Variants in TBL1XR1 observed in about 807,000 individuals in gnomAD.
TBL1XR1 encodes TBL1X/Y related 1.
A neutral mutation model predicts 66.9 loss-of-function variants in TBL1XR1; 5 were observed. The observed-to-expected ratio is 0.07, with a 90% CI of 0.04 to 0.16. The LOEUF is 0.16. TBL1XR1 is among the 10% of genes least tolerant of loss of function. TBL1XR1 has a pLI of 1.00. For synonymous variants in TBL1XR1, 210 were observed against 206.0 expected, an observed-to-expected ratio of 1.02 and a Z score of -0.17; for missense variants, 238 against 623.2, an observed-to-expected ratio of 0.38 and a Z score of 6.58.
upstream of TBL1XR1, among the ~76,000 whole-genome samples, chr3:177,200,994 G>C (rs1737329048): frequency 6.6e-6 from 1 of 151,758 alleles, no homozygotes; most frequent in African/African-American, 2.4e-5. Context: ...GCGACAGAGT[G>C]AGACTCCGTC....
intron 1 of TBL1XR1, among the ~76,000 whole-genome samples, chr3:177,176,082 A>C (rs1734114560): frequency 6.6e-6 from 1 of 151,084 alleles, no homozygotes; most frequent in South Asian, 2.1e-4. Flanking sequence ...AAATTAATTA[A>C]AATAAACAAA....
intron 1 of TBL1XR1, among the ~76,000 whole-genome samples, chr3:177,142,798 T>C (rs895781948): frequency 2.0e-5 from 3 of 152,220 alleles, no homozygotes; most frequent in Admixed American, 2.0e-4. Context: ...TTCACATTTA[T>C]GAATTTGCCT....
chr3:177,140,554 A>C (rs1029837840), intron 1 of TBL1XR1, among the ~76,000 whole-genome samples: 2 of 152,214 alleles, frequency 1.3e-5, no homozygotes, highest in East Asian at 1.9e-4. Context: ...TACTTATATG[A>C]AAAAACTGAA....
At chr3:177,176,739 C>T (rs965163710) in intron 1 of TBL1XR1, among the ~76,000 whole-genome samples, 9 of 152,084 alleles carry the variant, frequency 5.9e-5, no homozygotes, top group African/African-American at 2.2e-4. Context: ...CACTTGAACA[C>T]GGGAGGCAGA....
intron 7 of TBL1XR1, among the ~76,000 whole-genome samples, chr3:177,049,454 C>G (rs1308370864): frequency 1.3e-5 from 2 of 152,152 alleles, no homozygotes; most frequent in African/African-American, 4.8e-5. Flanking sequence ...GAATCATACA[C>G]AGAATCAGAG....
In TBL1XR1 at chr3:177,065,002, G is replaced by A; in HGVS notation, c.-25C>T. On this transcript the variant is annotated 5_prime_UTR_variant, in exon 3 of 16. Transcript: ENST00000457928. Reference sequence around the variant, plus strand: ...TCTTTATTCCCACTTAAACCATGAGGTCACAACACAGGATATAACCCTAAA... The same window carrying A: ...TCTTTATTCCCACTTAAACCATGAGATCACAACACAGGATATAACCCTAAA... The A allele has an allele frequency of 2.6e-6, 4 of 1,512,568 alleles. No individual in the cohort carries two copies. Among genetic ancestry groups the A allele is most frequent in the Non-Finnish European group, 3.5e-6 (4 of 1,134,450 alleles). The allele number at this position is 1,512,568 out of a possible 1,614,324, so 93.7% of individuals were successfully genotyped here. A position where few individuals can be genotyped will look rare whatever the true frequency, so the allele number is the denominator to read the frequency against.
chr3:177,139,962 G>C (rs12496648), intron 1 of TBL1XR1, among the ~76,000 whole-genome samples: 60,354 of 152,076 alleles, frequency 0.4, 12,149 homozygotes, highest in Middle Eastern at 0.48. Context: ...AGAAGTAACA[G>C]GTGCTAGAAG....
At chr3:177,161,215 A>T (rs1190871425) in intron 1 of TBL1XR1, among the ~76,000 whole-genome samples, 1 of 152,100 alleles carries the variant, frequency 6.6e-6, no homozygotes, top group African/African-American at 2.4e-5. Context: ...TGTTTTGCCT[A>T]TCATCTTAGA....
In TBL1XR1 at chr3:177,046,164, G is replaced by C; in HGVS notation, c.890C>G (p.Thr297Ser). 1 of 1,539,954 alleles carries C rather than the reference G, an allele frequency of 6.5e-7. No individual in the cohort carries two copies. Among genetic ancestry groups the C allele is most frequent in the Non-Finnish European group, 8.7e-7 (1 of 1,143,954 alleles). The change falls in exon 10 of 16, where the codon ACT (threonine) becomes AGT (serine). Residue 297 changes from threonine (T) to serine (S), a missense_variant. Physicochemically the swap from Thr to Ser is moderately conservative, Grantham distance 58. Transcript: ENST00000457928. ...AGGAAACTGTTGCTTGGCTTCACCA[G>C]TATGTGCGTCCCAAATAATTGTAGT... ...DKTTIIWDAH[T>S]GEAKQQFPFH...
chr3:177,179,117 C>CAAAAAAA (rs71178099), intron 1 of TBL1XR1, among the ~76,000 whole-genome samples: 5 of 107,444 alleles, frequency 4.7e-5, no homozygotes, highest in African/African-American at 1.3e-4. Flanking sequence ...AACTACGTCT[C>CAAAAAAA]AAAAAAAAAA....
intron 6 of TBL1XR1, 66 bp from the exon 7 acceptor site, chr3:177,050,204 A>AT: frequency 6.5e-7 from 1 of 1,527,050 alleles, no homozygotes; most frequent in East Asian, 2.3e-5. Flanking sequence ...AAGGCAACAT[A>AT]TTTACATCTG....
intron 10 of TBL1XR1, 122 bp from the exon 11 acceptor site, chr3:177,038,556 T>C (rs1715130714): frequency 2.1e-6 from 2 of 962,274 alleles, no homozygotes; most frequent in Non-Finnish European, 2.8e-6. Context: ...TTTTACTTTA[T>C]ACTTTTTAAG....
At chr3:177,198,705 T>C (rs535890456), upstream of TBL1XR1, among the ~76,000 whole-genome samples, 6 of 152,322 alleles carry the variant, frequency 3.9e-5, no homozygotes, top group South Asian at 1.2e-3. Flanking sequence ...CTTTTTGTTA[T>C]TTCGCTTATT....
At chr3:177,114,056 G>A (rs1725981729) in intron 1 of TBL1XR1, among the ~76,000 whole-genome samples, 1 of 152,072 alleles carries the variant, frequency 6.6e-6, no homozygotes, top group Non-Finnish European at 1.5e-5. Flanking sequence ...AACTTCAAGA[G>A]ATCAATTATA....
intron 2 of TBL1XR1, among the ~76,000 whole-genome samples, chr3:177,065,644 A>C (rs1276748683): frequency 6.6e-6 from 1 of 152,256 alleles, no homozygotes; most frequent in East Asian, 1.9e-4. Flanking sequence ...GGGGGAAAAA[A>C]GAAAACTGAG....
chr3:177,050,633 G>A, intron 5 of TBL1XR1, 23 bp from the exon 6 acceptor site: 2 of 1,612,942 alleles, frequency 1.2e-6, no homozygotes, highest in Non-Finnish European at 1.7e-6. Flanking sequence ...ACACAAGTAA[G>A]CATTTCCAGT....
intron 3 of TBL1XR1, among the ~76,000 whole-genome samples, chr3:177,057,790 G>A (rs1026382644): frequency 1.2e-4 from 18 of 152,100 alleles, no homozygotes; most frequent in African/African-American, 3.6e-4. Flanking sequence ...CTGTAATCAA[G>A]TACTCTAAAC....
intron 1 of TBL1XR1, among the ~76,000 whole-genome samples, chr3:177,155,952 T>C (rs1021176264): frequency 1.5e-4 from 22 of 151,722 alleles, no homozygotes; most frequent in African/African-American, 4.6e-4. Flanking sequence ...AAGGTTGTGG[T>C]GAGCCGAGAC....
intron 2 of TBL1XR1, among the ~76,000 whole-genome samples, chr3:177,070,458 C>T (rs2108562039): frequency 6.6e-6 from 1 of 152,298 alleles, no homozygotes; most frequent in Middle Eastern, 3.4e-3. Flanking sequence ...ATAGGTCATA[C>T]TTCTGGTACA....
Sources: gnomAD v4.1 joint callset for allele counts (sites outside exome capture counted in the v4.1 genomes callset) on GRCh38, gnomAD v4.1.1 for gene constraint, MANE v1.5 for transcripts, NCBI Gene and HGNC (gene_info 2026-07-23, HGNC 2026-07-21) for gene names.